Variants in RERE observed in about 807,000 individuals in gnomAD.
RERE encodes the protein arginine-glutamic acid dipeptide repeats protein.
Under a neutral mutation model 146.1 loss-of-function variants are expected in RERE, and 40 were observed. The observed-to-expected ratio is 0.27, with a 90% CI of 0.21 to 0.36. The LOEUF (loss-of-function observed/expected upper bound fraction) is 0.36. Among genes scored for constraint, RERE ranks in the 10% least tolerant of loss-of-function variants. The pLI is 1.00. For synonymous variants in RERE, 1,003 were observed against 866.0 expected (o/e 1.16, Z -2.78); for missense variants, 1,933 against 2,138.7 (o/e 0.90, Z 1.90).
At chr1:8,633,442 C>T (rs1000578815) in intron 2 of RERE, among the ~76,000 whole-genome samples, 3 of 151,426 alleles carry the variant, frequency 2.0e-5, no homozygotes, top group East Asian at 1.9e-4. Flanking sequence ...CACGTGCGCA[C>T]GCACACACAC....
chr1:8,365,355 G>C (rs1022242677), intron 13 of RERE, among the ~76,000 whole-genome samples: 2 of 152,180 alleles, frequency 1.3e-5, no homozygotes, highest in African/African-American at 4.8e-5. Context: ...AGCATCATTA[G>C]ATTGTACATC....
At chr1:8,622,769 A>G (rs115152898) in intron 3 of RERE, among the ~76,000 whole-genome samples, 1,722 of 74,502 alleles carry the variant, frequency 0.023, 14 homozygotes, top group Non-Finnish European at 0.03. Flanking sequence ...ACAAAGAAAA[A>G]TAAAATGTGA....
chr1:8,795,606 C>T (rs1352056578), intron 1 of RERE, among the ~76,000 whole-genome samples: 1 of 152,210 alleles, frequency 6.6e-6, no homozygotes. Context: ...TAGGTCTTCT[C>T]ATGCCAACCA....
intron 4 of RERE, among the ~76,000 whole-genome samples, chr1:8,561,515 A>G (rs780492574): frequency 5.8e-4 from 89 of 152,316 alleles, no homozygotes; most frequent in Non-Finnish European, 1.2e-3. Context: ...CAACCCTATG[A>G]AAAGTGAAGG....
At chr1:8,627,316 TAA>T (rs1174652140) in intron 2 of RERE, among the ~76,000 whole-genome samples, 2 of 152,090 alleles carry the variant, frequency 1.3e-5, no homozygotes, top group Non-Finnish European at 2.9e-5. Context: ...CACCAAGGAC[TAA>T]TGTCTGCCAT....
chr1:8,758,608 G>A (rs1353951939), intron 1 of RERE, among the ~76,000 whole-genome samples: 2 of 151,598 alleles, frequency 1.3e-5, no homozygotes, highest in African/African-American at 2.4e-5. Flanking sequence ...AGCTGGTCTC[G>A]AATTCCTAGG....
At chr1:8,796,822 CTG>C (rs1641483977) in intron 1 of RERE, 1 of 152,010 alleles carries the variant, frequency 6.6e-6, no homozygotes, top group Non-Finnish European at 1.5e-5. Context: ...GAACAGGAAA[CTG>C]AATGTTTAAG....
chr1:8,502,034 T>C (rs1435586687), intron 8 of RERE, among the ~76,000 whole-genome samples: 1 of 27,042 alleles, frequency 3.7e-5, no homozygotes, highest in African/African-American at 1.4e-4. Flanking sequence ...GGGAGGGAGG[T>C]GGGGGGGGTC....
intron 9 of RERE, among the ~76,000 whole-genome samples, chr1:8,495,572 A>G (rs1461890370): frequency 1.3e-5 from 2 of 152,228 alleles, no homozygotes; most frequent in South Asian, 2.1e-4. Flanking sequence ...TCAGCCTCCT[A>G]AAGTGCTGGG....
chr1:8,665,103 C>T (rs113071064), intron 1 of RERE, among the ~76,000 whole-genome samples: 1 of 152,196 alleles, frequency 6.6e-6, no homozygotes, highest in Non-Finnish European at 1.5e-5. Flanking sequence ...TCCTTCCTAC[C>T]CAGAGTCCTT....
At chr1:8,457,255 C>T (rs945866378) in intron 11 of RERE, among the ~76,000 whole-genome samples, 2 of 152,164 alleles carry the variant, frequency 1.3e-5, no homozygotes, top group African/African-American at 4.8e-5. Context: ...GATCCTGAGG[C>T]CCCATGCTCA....
chr1:8,387,914 A>G (rs1055621201), intron 12 of RERE, among the ~76,000 whole-genome samples: 4 of 152,228 alleles, frequency 2.6e-5, no homozygotes, highest in African/African-American at 9.6e-5. Flanking sequence ...ACTATACCCT[A>G]AAGAATTCGT....
At chr1:8,544,047 T>A (rs1407992543) in intron 6 of RERE, among the ~76,000 whole-genome samples, 1 of 152,186 alleles carries the variant, frequency 6.6e-6, no homozygotes, top group Admixed American at 6.5e-5. Context: ...ATGTCTCTCA[T>A]GTGTTCCTAT....
At chr1:8,718,571 T>C (rs1298292218) in intron 1 of RERE, among the ~76,000 whole-genome samples, 1 of 152,226 alleles carries the variant, frequency 6.6e-6, no homozygotes, top group Non-Finnish European at 1.5e-5. Flanking sequence ...TGAAGTTTAG[T>C]CCTACCTATT....
intron 3 of RERE, among the ~76,000 whole-genome samples, chr1:8,619,626 C>A (rs1336961344): frequency 6.6e-6 from 1 of 152,154 alleles, no homozygotes; most frequent in Admixed American, 6.5e-5. Flanking sequence ...CAAGGAACTA[C>A]TTACTATACA....
intron 10 of RERE, among the ~76,000 whole-genome samples, chr1:8,480,794 TTG>T (rs1475439013): frequency 1.3e-5 from 2 of 152,122 alleles, no homozygotes; most frequent in Admixed American, 6.5e-5. Flanking sequence ...GCTGAAGACA[TTG>T]TGTTATTAAT....
intron 11 of RERE, chr1:8,425,310 T>G (rs2124476224): frequency 6.6e-6 from 1 of 152,368 alleles, no homozygotes; most frequent in Non-Finnish European, 1.5e-5. Context: ...GTGATTCATT[T>G]TTGCACGTAA....
chr1:8,406,337 TG>T (rs1170248889), intron 12 of RERE, among the ~76,000 whole-genome samples: 5 of 152,110 alleles, frequency 3.3e-5, no homozygotes, highest in African/African-American at 1.2e-4. Context: ...CCTCCAGAAG[TG>T]CTAAGATTAT....
intron 11 of RERE, among the ~76,000 whole-genome samples, chr1:8,451,801 C>T (rs192732426): frequency 1.3e-5 from 2 of 152,128 alleles, no homozygotes. Context: ...CAAGTTCTCC[C>T]GATGACTCTA....
Sources: allele counts gnomAD v4.1 joint callset (sites outside exome capture counted in the v4.1 genomes callset), GRCh38; gene constraint gnomAD v4.1.1; transcripts MANE v1.5; gene names NCBI Gene and HGNC (gene_info 2026-07-23, HGNC 2026-07-21).